The following ZNF680 variants were observed in gnomAD, a reference collection of about 807,000 sequenced individuals.
The protein encoded by ZNF680 is hypothetical protein FLJ90430.
In ZNF680, 6 loss-of-function variants were observed where a neutral mutation model predicts 12.1. The observed-to-expected ratio is 0.49, with a 90% confidence interval of 0.27 to 0.98. ZNF680 has a LOEUF of 0.98. ZNF680 is among the 50% of genes least tolerant of loss of function. The probability of loss-of-function intolerance (pLI) is 0.12; values close to 1 mark genes in which losing one functional copy is unlikely to be tolerated. For synonymous variants in ZNF680, 170 were observed against 199.3 expected, an observed-to-expected ratio of 0.85 and a Z score of 1.24; for missense variants, 561 against 616.3, an observed-to-expected ratio of 0.91 and a Z score of 0.95.
the ZNF680 span, among the ~76,000 whole-genome samples, chr7:64,506,589 T>C: frequency 6.6e-6 from 1 of 152,236 alleles, no homozygotes. Context: ...TTAACTAATT[T>C]TTTTTCTGGC....
chr7:64,514,833 C>T, the ZNF680 span, among the ~76,000 whole-genome samples: 1 of 152,236 alleles, frequency 6.6e-6, no homozygotes, highest in East Asian at 1.9e-4. Flanking sequence ...CACCTGAGGT[C>T]GGGAATTCAA....
chr7:64,530,482 A>G (rs1785801442), intron 3 of ZNF680, among the ~76,000 whole-genome samples: 1 of 152,194 alleles, frequency 6.6e-6, no homozygotes, highest in South Asian at 2.1e-4. Flanking sequence ...ATTTCATGCA[A>G]ATGGACACCA....
At chr7:64,514,655 TTATAA>T in the ZNF680 span, among the ~76,000 whole-genome samples, 2 of 150,904 alleles carry the variant, frequency 1.3e-5, no homozygotes, top group African/African-American at 2.4e-5. Context: ...TAATAAAAAC[TTATAA>T]TATTTATAAA....
At chr7:64,526,030 A>G in intron 3 of ZNF680, 1 of 982,818 alleles carries the variant, frequency 1.0e-6, no homozygotes, top group South Asian at 4.7e-5. Context: ...CAATTATAAT[A>G]TAAACTAAAA....
At chr7:64,499,129 A>G in the ZNF680 span, among the ~76,000 whole-genome samples, 10 of 152,222 alleles carry the variant, frequency 6.6e-5, no homozygotes, top group African/African-American at 2.2e-4. Flanking sequence ...AATACATTAA[A>G]TATAACAAAA....
intron 1 of ZNF680, among the ~76,000 whole-genome samples, chr7:64,559,588 C>T (rs1020829551): frequency 2.2e-4 from 33 of 151,962 alleles, no homozygotes; most frequent in Admixed American, 7.2e-4. Context: ...TCAAGCAATT[C>T]TCCTGCCTCA....
At chr7:64,538,340 G>A (rs1336300688) in intron 3 of ZNF680, among the ~76,000 whole-genome samples, 1 of 152,154 alleles carries the variant, frequency 6.6e-6, no homozygotes, top group East Asian at 1.9e-4. Context: ...TGCCTCCTAG[G>A]AAATGGGTGA....
chr7:64,518,065 C>A (rs1330071970), downstream of ZNF680, among the ~76,000 whole-genome samples: 1 of 151,944 alleles, frequency 6.6e-6, no homozygotes, highest in Non-Finnish European at 1.5e-5. Context: ...TTTAACATAG[C>A]ACTGAAGTCC....
At chr7:64,510,111 C>A in the ZNF680 span, among the ~76,000 whole-genome samples, 44 of 145,026 alleles carry the variant, frequency 3.0e-4, no homozygotes, top group Non-Finnish European at 3.0e-5. Flanking sequence ...CAAAAAACAA[C>A]AATAACAAAA....
chr7:64,530,716 G>A (rs182518211), intron 3 of ZNF680, among the ~76,000 whole-genome samples: 520 of 151,820 alleles, frequency 3.4e-3, no homozygotes, highest in Middle Eastern at 0.01. Context: ...AAAATTAGCC[G>A]GGTGTGGTGG....
At chr7:64,551,996 C>T (rs1787106623) in intron 1 of ZNF680, 1 of 152,202 alleles carries the variant, frequency 6.6e-6, no homozygotes, top group Non-Finnish European at 1.5e-5. Context: ...ATCTCTGCTG[C>T]TCTCTCATCT....
chr7:64,515,294 C>A (rs1381699515), downstream of ZNF680, among the ~76,000 whole-genome samples: 2 of 152,048 alleles, frequency 1.3e-5, no homozygotes, highest in African/African-American at 4.8e-5. Context: ...CACATACACA[C>A]ACACATAAAT....
downstream of ZNF680, among the ~76,000 whole-genome samples, chr7:64,515,337 C>T (rs1024578107): frequency 6.6e-6 from 1 of 150,938 alleles, no homozygotes; most frequent in Non-Finnish European, 1.5e-5. Flanking sequence ...TAAACTAGCA[C>T]CCCCCCCTAA....
At position 64,520,569 on chromosome 7, in the gene ZNF680, A is replaced by G. The variant is rs915209741; in HGVS notation, c.*592T>C. On this transcript the variant is annotated 3_prime_UTR_variant, in exon 4 of 4. Coordinates refer to ENST00000309683, the MANE Select transcript of ZNF680 (RefSeq NM_178558.5). ...ATACTTACTGCATCTGCAAAAACAC[A>G]TTTCAATATAAATTCATGTTTTCTA... The G allele has an allele frequency of 6.6e-6, 1 of 151,862 alleles. No individual in the cohort carries two copies. The highest frequency in any genetic ancestry group is 2.4e-5 in the African/African-American group (1 of 41,416). 9.4% of individuals were successfully genotyped at this position (151,862 alleles called of 1,614,324 possible). A position where few individuals can be genotyped will look rare whatever the true frequency, so the allele number is the denominator to read the frequency against.
chr7:64,501,238 C>CCAGCA, the ZNF680 span: 2,159 of 883,346 alleles, frequency 2.4e-3, 39 homozygotes, highest in African/African-American at 0.032. Flanking sequence ...GTACAGTTGC[C>CCAGCA]CAGCACATTT....
chr7:64,521,275 T>C lies in ZNF680; in HGVS notation c.1479A>G (p.Glu493=). ...IHAREKPYKC[E]ECGKAFNRSS... ...ACCGGTTAAAAGCTTTGCCACATTCTTCACATTTGTAGGGTTTCTCTCTAG... is the reference window on the plus strand; with the variant it reads ...ACCGGTTAAAAGCTTTGCCACATTCCTCACATTTGTAGGGTTTCTCTCTAG... Residue 493 remains glutamate (E), a synonymous_variant, in exon 4 of 4, where the codon GAA becomes GAG. Coordinates refer to ENST00000309683, the MANE Select transcript of ZNF680 (RefSeq NM_178558.5). 6.2e-7 allele frequency: 1 copy of C among 1,613,750 alleles called. No individual in the cohort carries two copies. Among genetic ancestry groups the C allele is most frequent in the Non-Finnish European group, 8.5e-7 (1 of 1,179,718 alleles).
chr7:64,554,002 G>C (rs995190485), intron 1 of ZNF680, among the ~76,000 whole-genome samples: 22 of 150,330 alleles, frequency 1.5e-4, no homozygotes, highest in Middle Eastern at 3.4e-3. Context: ...CTGCCCGGCC[G>C]CCACCCCGTC....
At chr7:64,556,452 C>T (rs751896754) in intron 1 of ZNF680, among the ~76,000 whole-genome samples, 6 of 151,934 alleles carry the variant, frequency 3.9e-5, no homozygotes, top group Non-Finnish European at 8.8e-5. Context: ...AACAATGGAA[C>T]AGAATAAGAG....
the ZNF680 span, among the ~76,000 whole-genome samples, chr7:64,502,808 A>G: frequency 7.2e-5 from 11 of 152,298 alleles, no homozygotes; most frequent in African/African-American, 2.2e-4. Flanking sequence ...ACCGAATAAT[A>G]TATCTGTTAA....
Sources: allele counts gnomAD v4.1 joint callset (sites outside exome capture counted in the v4.1 genomes callset), GRCh38; gene constraint gnomAD v4.1.1; transcripts MANE v1.5; gene names NCBI Gene and HGNC (gene_info 2026-07-23, HGNC 2026-07-21).